RASGEF1C: variants seen among roughly 807,000 people sequenced by gnomAD.
RASGEF1C encodes RasGEF domain family member 1C.
In RASGEF1C, 27 loss-of-function variants were observed where a neutral mutation model predicts 58.1. The observed-to-expected ratio is 0.46, with a 90% CI of 0.34 to 0.64. The LOEUF is 0.64. Ranked by LOEUF, RASGEF1C falls within the 30% of genes least tolerant of loss-of-function variation. The pLI is 0.01. For missense variants in RASGEF1C, 502 were observed against 605.1 expected (o/e 0.83, Z 1.79); for synonymous variants, 243 against 246.3 (o/e 0.99, Z 0.13).
chr5:180,174,192 G>C (rs568768847), intron 1 of RASGEF1C, among the ~76,000 whole-genome samples: 12 of 152,028 alleles, frequency 7.9e-5, no homozygotes, highest in Non-Finnish European at 1.8e-4. Context: ...AAAAAGCAAG[G>C]AGCCATTTAA....
At chr5:180,157,809 G>A (rs1048957826) in intron 1 of RASGEF1C, among the ~76,000 whole-genome samples, 2 of 152,138 alleles carry the variant, frequency 1.3e-5, no homozygotes, top group Non-Finnish European at 2.9e-5. Flanking sequence ...CAGGTTTAGT[G>A]GGGAGGGAGG....
intron 1 of RASGEF1C, among the ~76,000 whole-genome samples, chr5:180,169,426 A>AAT (rs1365914063): frequency 6.6e-6 from 1 of 152,126 alleles, no homozygotes; most frequent in Non-Finnish European, 1.5e-5. Flanking sequence ...TGCTCCTGGA[A>AAT]GCAGCGTTCA....
rs1756300093 is a variant in RASGEF1C at position 180,197,499 on chromosome 5, G to A, written c.-7+11529C>T. ...ATGGACAGATGGGAGGCTGTGAGCAGAGAGAGGCCCACAAAGACAGAGAGT... is the reference window on the plus strand; with the variant it reads ...ATGGACAGATGGGAGGCTGTGAGCAAAGAGAGGCCCACAAAGACAGAGAGT... On this transcript the variant is annotated intron_variant, in intron 1 of 13. Coordinates refer to ENST00000361132, the MANE Select transcript of RASGEF1C (RefSeq NM_175062.4). This position sits in a 1 kb window ranked among gnomAD's most constrained non-coding sequence, Gnocchi z 4.7. Among the ~76,000 whole-genome samples the A allele has an allele frequency of 2.0e-5, 3 of 152,222 alleles. No homozygotes were observed. In the South Asian group the frequency reaches 6.2e-4, roughly 32 times the overall value.
At chr5:180,174,493 T>C (rs900662716) in intron 1 of RASGEF1C, among the ~76,000 whole-genome samples, 36 of 129,292 alleles carry the variant, frequency 2.8e-4, no homozygotes, top group African/African-American at 1.0e-3. Flanking sequence ...TGTGTGCGCG[T>C]GTGTGTCTGT....
At chr5:180,136,071 G>A (rs972247312) in intron 4 of RASGEF1C, among the ~76,000 whole-genome samples, 15 of 152,222 alleles carry the variant, frequency 9.9e-5, no homozygotes, top group Non-Finnish European at 1.9e-4. Flanking sequence ...ACAGGGCTCT[G>A]CCAGCCCCGC....
chr5:180,119,216 G>A (rs1766125426), intron 8 of RASGEF1C, 130 bp downstream of exon 8: 4 of 799,930 alleles, frequency 5.0e-6, no homozygotes, highest in Admixed American at 2.2e-5. Context: ...GGCCTTCAGA[G>A]AGCCCGGCCC....
At chr5:180,190,670 AAAT>A (rs1561756904) in intron 1 of RASGEF1C, among the ~76,000 whole-genome samples, 2 of 151,396 alleles carry the variant, frequency 1.3e-5, no homozygotes, top group Non-Finnish European at 2.9e-5. Context: ...CCTGTCTCAA[AAAT>A]AATAATAATA....
Position 180,118,649 on chromosome 5 carries a change from G to T in RASGEF1C, c.1043C>A (p.Ala348Glu). The T allele has an allele frequency of 6.2e-7, 1 of 1,613,758 alleles. No individual in the cohort carries two copies. Among genetic ancestry groups the T allele is most frequent in the Non-Finnish European group, 8.5e-7 (1 of 1,179,826 alleles). Reference protein sequence around the residue: ...FCNYRTALRGAAHRSLTAHSS... With the variant: ...FCNYRTALRGEAHRSLTAHSS... ...GTGGGCCGTCAGGGAGCGGTGGGCC[G>T]CCCCGCGCAGGGCTGTCCTGTAGTT... The change falls in exon 10 of 14, where the codon GCG becomes GAG. Residue 348 changes from alanine to glutamate, a missense_variant. By Grantham distance (107) the Ala-to-Glu change is moderately radical. Transcript: ENST00000361132.
intron 1 of RASGEF1C, among the ~76,000 whole-genome samples, chr5:180,157,456 T>TA (rs1307432740): frequency 7.8e-6 from 1 of 127,988 alleles, no homozygotes; most frequent in African/African-American, 3.2e-5. Context: ...ACCCTGTCTC[T>TA]ACTAAAAAAA....
intron 1 of RASGEF1C, among the ~76,000 whole-genome samples, chr5:180,196,698 C>T (rs970141757): frequency 2.6e-5 from 4 of 152,116 alleles, no homozygotes; most frequent in Middle Eastern, 3.2e-3. Context: ...GAACCTGCAG[C>T]GATGGCCCTT....
intron 12 of RASGEF1C, among the ~76,000 whole-genome samples, chr5:180,111,229 CG>C (rs1222886068): frequency 1.3e-5 from 2 of 152,080 alleles, no homozygotes; most frequent in Non-Finnish European, 2.9e-5. Flanking sequence ...AGCCTGGCCC[CG>C]GGGGTCCTTG....
At chr5:180,194,107 G>T (rs1265282748) in intron 1 of RASGEF1C, among the ~76,000 whole-genome samples, 1 of 152,098 alleles carries the variant, frequency 6.6e-6, no homozygotes, top group African/African-American at 2.4e-5. Flanking sequence ...TGACCTTGGG[G>T]TGTCCTCCCT....
chr5:180,131,523 T>C (rs1766370195), intron 4 of RASGEF1C, among the ~76,000 whole-genome samples: 1 of 152,206 alleles, frequency 6.6e-6, no homozygotes, highest in East Asian at 1.9e-4. Flanking sequence ...CTTTTAGAGC[T>C]GTCAGGGAAA....
rs1024092445 is a variant in RASGEF1C at position 180,143,064 on chromosome 5, T to A, written c.-6-5006A>T. Among the ~76,000 whole-genome samples the A allele has an allele frequency of 6.6e-6, 1 of 152,076 alleles. No homozygotes were observed. Among genetic ancestry groups the A allele is most frequent in the African/African-American group, 2.4e-5 (1 of 41,410 alleles). On this transcript the variant is annotated intron_variant, in intron 1 of 13. Coordinates refer to ENST00000361132, the MANE Select transcript of RASGEF1C (RefSeq NM_175062.4). This position sits in a 1 kb window ranked among gnomAD's most constrained non-coding sequence, Gnocchi z 4.3. ...TCAGGCATCTCTCCTTGTGTGTGTC[T>A]CCAGGCCCTGCACCTGGAGGTCCTG...
intron 6 of RASGEF1C, among the ~76,000 whole-genome samples, chr5:180,123,811 G>C: frequency 6.6e-6 from 1 of 151,994 alleles, no homozygotes; most frequent in East Asian, 1.9e-4. Flanking sequence ...ATGAACCTCG[G>C]ATAAGATTGA....
At position 180,143,068 on chromosome 5, in the gene RASGEF1C, G is replaced by A. The variant is rs7717588; in HGVS notation, c.-6-5010C>T. 4.9e-3 allele frequency among the ~76,000 whole-genome samples: 741 copies of A among 152,210 alleles called. 9 individuals carry two copies. Among genetic ancestry groups the A allele is most frequent in the African/African-American group, 0.017 (705 of 41,548 alleles). ...GCATCTCTCCTTGTGTGTGTCTCCA[G>A]GCCCTGCACCTGGAGGTCCTGGGGC... is the stretch of plus-strand genomic sequence containing the variant. On this transcript the variant is annotated intron_variant, in intron 1 of 13. Coordinates refer to ENST00000361132, the MANE Select transcript of RASGEF1C (RefSeq NM_175062.4). This position sits in a 1 kb window ranked among gnomAD's most constrained non-coding sequence, Gnocchi z 4.3.
chr5:180,174,601 T>TGC, intron 1 of RASGEF1C, among the ~76,000 whole-genome samples: 1 of 132,210 alleles, frequency 7.6e-6, no homozygotes, highest in East Asian at 2.3e-4. Flanking sequence ...TGTGTGTGTG[T>TGC]GCACGCATGT....
Position 180,114,535 on chromosome 5 carries a change from T to C in RASGEF1C, c.1090A>G (p.Ile364Val). 1 of 1,610,188 alleles carries C rather than the reference T, an allele frequency of 6.2e-7. No individual in the cohort carries two copies. The highest frequency in any genetic ancestry group is 8.5e-7 in the Non-Finnish European group (1 of 1,177,564). The change falls in exon 11 of 14, where the codon ATT becomes GTT. Residue 364 changes from isoleucine (I) to valine (V), a missense_variant. By Grantham distance (29) the Ile-to-Val change is conservative (BLOSUM62 3). Transcript: ENST00000361132. ...TAHSSREKIV[I>V]PFFSLLIKDI... ...TTGATGAGCAGGCTGAAGAAAGGAA[T>C]GACAATCTGGAAGAAAGAGGGGGCA...
chr5:180,160,185 C>T (rs1257547324), intron 1 of RASGEF1C, among the ~76,000 whole-genome samples: 3 of 152,208 alleles, frequency 2.0e-5, no homozygotes, highest in African/African-American at 4.8e-5. Context: ...TTCCTGGTGA[C>T]TCAGTAGAGC....
Sources: gnomAD v4.1 joint callset for allele counts (sites outside exome capture counted in the v4.1 genomes callset) on GRCh38, gnomAD v4.1.1 for gene constraint, Gnocchi (gnomAD v3.1) non-coding constraint, MANE v1.5 for transcripts, NCBI Gene and HGNC (gene_info 2026-07-23, HGNC 2026-07-21) for gene names.